The following FRMD6 variants were observed in gnomAD, a reference collection of about 807,000 sequenced individuals.
FRMD6 encodes the protein FERM domain-containing protein 6.
FRMD6 carries 37 observed loss-of-function variants against 73.2 expected under a neutral mutation model. That is an observed-to-expected ratio of 0.51 (90% CI 0.39 to 0.66). The LOEUF is 0.66. Ranked by LOEUF, FRMD6 falls within the 30% of genes least tolerant of loss-of-function variation. The probability of loss-of-function intolerance (pLI) is 0.00; values close to 1 mark genes in which losing one functional copy is unlikely to be tolerated. For synonymous variants in FRMD6, 273 were observed against 282.2 expected (o/e 0.97, Z 0.33); for missense variants, 714 against 780.5 (o/e 0.91, Z 1.02).
chr14:51,530,841 C>CTGG lies in FRMD6; in HGVS notation c.-209-39506_-209-39504dup, dbSNP rs562925962. Among the ~76,000 whole-genome samples, 11 of 152,300 alleles carry CTGG rather than the reference C, an allele frequency of 7.2e-5. No homozygotes were observed. The East Asian group carries it at 2.1e-3, about 29-fold the overall frequency. The stretch of plus-strand genomic sequence containing the variant: ...AACAGTAACTTTACAGTTCAGCGTT[C>CTGG]TGGCAGATACCACCTTAACAAAGAG... On this transcript the variant is annotated intron_variant, in intron 1 of 14. Coordinates refer to the FRMD6 transcript ENST00000356218.
chr14:51,709,113 C>T (rs1896799096), intron 7 of FRMD6, among the ~76,000 whole-genome samples: 1 of 152,162 alleles, frequency 6.6e-6, no homozygotes, highest in African/African-American at 2.4e-5. Context: ...CTCCTGAATA[C>T]CCACTTAAGT....
At chr14:51,721,734 G>T (rs112750477) in intron 11 of FRMD6, among the ~76,000 whole-genome samples, 1 of 117,498 alleles carries the variant, frequency 8.5e-6, no homozygotes. Context: ...GAGGAAGGGA[G>T]GGAGGAAGGA....
intron 1 of FRMD6, among the ~76,000 whole-genome samples, chr14:51,521,098 G>A (rs1471556159): frequency 6.6e-6 from 1 of 152,156 alleles, no homozygotes; most frequent in African/African-American, 2.4e-5. Context: ...TCTGGGGCTG[G>A]GGGAAGTGAT....
chr14:51,661,782 GA>G lies in FRMD6; in HGVS notation c.-147+9787del, dbSNP rs1893234972. On this transcript the variant is annotated intron_variant, in intron 1 of 13. Transcript: ENST00000344768. ...AGAAGTGGAGATGAAAACCTTATTG[GA>G]GTGGGTTCAAAGAGAATAAAAAATT... Among the ~76,000 whole-genome samples the G allele has an allele frequency of 4.6e-5, 7 of 152,314 alleles. No individual in the cohort carries two copies. In the South Asian group the frequency reaches 1.4e-3, roughly 32 times the overall value.
intron 2 of FRMD6, among the ~76,000 whole-genome samples, chr14:51,634,824 A>G (rs1368275564): frequency 1.3e-5 from 2 of 152,214 alleles, no homozygotes; most frequent in Admixed American, 6.5e-5. Context: ...AACTGCTTCA[A>G]GCTTCAGTTT....
intron 1 of FRMD6, among the ~76,000 whole-genome samples, chr14:51,549,809 A>G (rs1015073978): frequency 1.3e-5 from 2 of 151,566 alleles, no homozygotes; most frequent in South Asian, 2.1e-4. Context: ...GTTAGCCAGG[A>G]TGATCTCGAT....
At chr14:51,444,916 T>A in the FRMD6 span, among the ~76,000 whole-genome samples, 1 of 152,022 alleles carries the variant, frequency 6.6e-6, no homozygotes, top group South Asian at 2.1e-4. Context: ...TTTAAGTTCT[T>A]CCCCCACCTC....
intron 1 of FRMD6, among the ~76,000 whole-genome samples, chr14:51,680,413 A>G (rs953515766): frequency 6.6e-6 from 1 of 152,182 alleles, no homozygotes; most frequent in Admixed American, 6.6e-5. Flanking sequence ...TTAATTTAAG[A>G]TGTAGTTGCA....
chr14:51,662,215 A>G lies in FRMD6; in HGVS notation c.-147+10219A>G, dbSNP rs914320574. Among the ~76,000 whole-genome samples the G allele has an allele frequency of 2.6e-5, 4 of 152,182 alleles. No homozygotes were observed. The East Asian group carries it at 7.7e-4, about 29-fold the overall frequency. On this transcript the variant is annotated intron_variant, in intron 1 of 13. Coordinates refer to ENST00000344768, the MANE Select transcript of FRMD6 (RefSeq NM_001267046.2). ...TTGTCTTAGATTGTTTTTTGATACT[A>G]TAATGGAGTACCACACATAAGGTAT... is the stretch of plus-strand genomic sequence containing the variant.
At chr14:51,472,528 C>T in the FRMD6 span, among the ~76,000 whole-genome samples, 8 of 152,166 alleles carry the variant, frequency 5.3e-5, no homozygotes, top group African/African-American at 1.7e-4. Context: ...TGGCCTCGAT[C>T]TCCTGACCTC....
chr14:51,683,863 C>T (rs1292554482), intron 1 of FRMD6, among the ~76,000 whole-genome samples: 1 of 152,114 alleles, frequency 6.6e-6, no homozygotes, highest in African/African-American at 2.4e-5. Context: ...TGTATTGTCT[C>T]TAAACATGAG....
chr14:51,427,981 C>T, the FRMD6 span, among the ~76,000 whole-genome samples: 4 of 152,150 alleles, frequency 2.6e-5, no homozygotes, highest in African/African-American at 9.7e-5. Flanking sequence ...AGAGGTACAT[C>T]CAGTGGATGT....
intron 1 of FRMD6, among the ~76,000 whole-genome samples, chr14:51,516,416 C>T (rs1343529110): frequency 1.3e-5 from 2 of 152,170 alleles, no homozygotes. Context: ...GAGTAGAAGA[C>T]ATCAGACTCG....
chr14:51,428,750 A>G, the FRMD6 span, among the ~76,000 whole-genome samples: 1,386 of 152,184 alleles, frequency 9.1e-3, 21 homozygotes, highest in African/African-American at 0.032. Context: ...TTTATTTCCA[A>G]TCCTTGTGGG....
At chr14:51,629,795 A>T (rs955261387) in intron 2 of FRMD6, among the ~76,000 whole-genome samples, 4 of 152,242 alleles carry the variant, frequency 2.6e-5, no homozygotes, top group Admixed American at 1.3e-4. Context: ...AACCTGGTAA[A>T]GCCACATAAT....
At chr14:51,702,457 C>T (rs370635468) in intron 4 of FRMD6, 55 bp from the exon 5 acceptor site, 10 of 1,454,340 alleles carry the variant, frequency 6.9e-6, no homozygotes, top group Non-Finnish European at 9.6e-6. Context: ...CTTTTGAAAC[C>T]CATTTTCAAA....
intron 1 of FRMD6, among the ~76,000 whole-genome samples, chr14:51,512,852 C>T (rs1012063656): frequency 2.6e-5 from 4 of 152,126 alleles, no homozygotes; most frequent in Non-Finnish European, 4.4e-5. Context: ...GTGGAAGGGG[C>T]TCCTGTCCTC....
chr14:51,541,747 G>T (rs1290017256), intron 1 of FRMD6, among the ~76,000 whole-genome samples: 1 of 152,088 alleles, frequency 6.6e-6, no homozygotes, highest in Non-Finnish European at 1.5e-5. Flanking sequence ...GATTAACCTT[G>T]ATCAGGGAAC....
chr14:51,500,139 G>A (rs988805485), intron 1 of FRMD6, among the ~76,000 whole-genome samples: 10 of 152,178 alleles, frequency 6.6e-5, no homozygotes, highest in Admixed American at 3.9e-4. Context: ...AAATGTTGCC[G>A]GAGCTGCATT....
Sources: gnomAD v4.1 joint callset for allele counts (sites outside exome capture counted in the v4.1 genomes callset) on GRCh38, gnomAD v4.1.1 for gene constraint, MANE v1.5 for transcripts, NCBI Gene and HGNC (gene_info 2026-07-23, HGNC 2026-07-21) for gene names.